The following HSD3B2 variants were observed in gnomAD, a reference collection of about 807,000 sequenced individuals.
HSD3B2 encodes 3 beta-hydroxysteroid dehydrogenase/Delta 5-->4-isomerase type 2.
A neutral mutation model predicts 9.9 loss-of-function variants in HSD3B2; 8 were observed. That is an observed-to-expected ratio of 0.81 (90% CI 0.47 to 1.46). The LOEUF (loss-of-function observed/expected upper bound fraction) is 1.46, where lower values mean the gene tolerates loss of function less well. Among genes scored for constraint, HSD3B2 ranks in the 40% most tolerant of loss-of-function variants. The pLI is 0.00. For synonymous variants in HSD3B2, 221 were observed against 184.5 expected (o/e 1.20, Z -1.60); for missense variants, 410 against 448.3 (o/e 0.91, Z 0.77).
In HSD3B2 at chr1:119,421,517, ACG is replaced by A. The variant is rs1162699709; in HGVS notation, c.308-291_308-290del. ...ATAATATATATATATATATACACAC[ACG>A]TATACATACACACACACACACACAC... On this transcript the variant is annotated intron_variant, in intron 3 of 3. Transcript: ENST00000369416. 1.5e-4 allele frequency among the ~76,000 whole-genome samples: 21 copies of A among 142,750 alleles called. 1 individual carries two copies. Among genetic ancestry groups the A allele is most frequent in the African/African-American group, 5.5e-4 (21 of 38,396 alleles). The allele number at this position is 142,750 out of a possible 152,430, so 93.6% of individuals were successfully genotyped here.
At chr1:119,416,037 A>T (rs771269970) in intron 2 of HSD3B2, among the ~76,000 whole-genome samples, 2 of 152,026 alleles carry the variant, frequency 1.3e-5, no homozygotes, top group Non-Finnish European at 2.9e-5. Context: ...GAAGGTACGG[A>T]TGTGTGTGTA....
At chr1:119,417,537 G>A (rs1414584206) in intron 2 of HSD3B2, 2 of 152,162 alleles carry the variant, frequency 1.3e-5, no homozygotes, top group African/African-American at 2.4e-5. Context: ...TTCCACTCTC[G>A]GGCTGACACC....
At chr1:119,419,155 C>G (rs185397763) in intron 2 of HSD3B2, among the ~76,000 whole-genome samples, 1 of 152,106 alleles carries the variant, frequency 6.6e-6, no homozygotes, top group Non-Finnish European at 1.5e-5. Context: ...TTATATTTCA[C>G]GGATGTGTGA....
chr1:119,421,001 A>G (rs1651841173), intron 3 of HSD3B2, among the ~76,000 whole-genome samples: 1 of 152,176 alleles, frequency 6.6e-6, no homozygotes, highest in Admixed American at 6.5e-5. Flanking sequence ...CACAATCAGG[A>G]AAGGAGTGTG....
At position 119,421,465 on chromosome 1, in the gene HSD3B2, G is replaced by GTA. The variant is rs1491180824; in HGVS notation, c.308-334_308-333dup. Among the ~76,000 whole-genome samples, 14 of 4,926 alleles carry GTA rather than the reference G, an allele frequency of 2.8e-3. 1 individual carries two copies. The highest frequency in any genetic ancestry group is 0.016 in the East Asian group (2 of 122). The allele number at this position is 4,926 out of a possible 152,430, so 3.2% of individuals were successfully genotyped here. ...TGTATATATATATGTATATATATAT[G>GTA]TATATATATATGTATATATATATTT... On this transcript the variant is annotated intron_variant, in intron 3 of 3. Transcript: ENST00000369416.
intron 2 of HSD3B2, among the ~76,000 whole-genome samples, chr1:119,416,642 T>C (rs941552011): frequency 1.3e-5 from 2 of 152,154 alleles, no homozygotes; most frequent in Non-Finnish European, 2.9e-5. Context: ...CCCAGGGGAC[T>C]GGGGGAACTA....
chr1:119,422,508 A>T lies in HSD3B2; in HGVS notation c.1007A>T (p.Asp336Val), dbSNP rs781125519. 2 of 1,614,124 alleles carry T rather than the reference A, an allele frequency of 1.2e-6. No homozygotes were observed. The highest frequency in any genetic ancestry group is 1.7e-6 in the Non-Finnish European group (2 of 1,180,006). ...FTFSYKKAQR[D>V]LAYKPLYSWE... ...TTCTCTTACAAGAAGGCTCAGCGAG[A>T]TCTGGCGTATAAGCCACTCTACAGC... is the stretch of plus-strand genomic sequence containing the variant. The change falls in exon 4 of 4, where the codon GAT becomes GTT. Residue 336 changes from aspartate (D) to valine (V), a missense_variant. By Grantham distance (152) the Asp-to-Val change is radical. Coordinates refer to ENST00000369416, the MANE Select transcript of HSD3B2 (RefSeq NM_000198.4).
intron 3 of HSD3B2, among the ~76,000 whole-genome samples, chr1:119,421,411 ATATAT>A (rs1651856450): frequency 3.0e-5 from 1 of 32,890 alleles, no homozygotes; most frequent in African/African-American, 1.8e-4. Flanking sequence ...ATGTATATAT[ATATAT>A]GTATATATAT....
intron 3 of HSD3B2, among the ~76,000 whole-genome samples, chr1:119,421,182 AT>A (rs1409848021): frequency 1.3e-5 from 2 of 151,832 alleles, no homozygotes; most frequent in Non-Finnish European, 2.9e-5. Flanking sequence ...TGTAACACAA[AT>A]TCTTCCACTG....
rs80358217 is a variant in HSD3B2 at position 119,422,246 on chromosome 1, C to T, written c.745C>T (p.Arg249Ter). The change falls in exon 4 of 4, where the codon CGA becomes TGA. Residue 249 changes from arginine to a stop codon, truncating the protein, a stop_gained. Transcript: ENST00000369416. LOFTEE classifies it low-confidence loss of function (END_TRUNC). ...GGACCCCAAGAAGGCCCCAAGTGTC[C>T]GAGGTCAATTCTATTACATCTCAGA... is the stretch of plus-strand genomic sequence containing the variant. The part of the protein sequence containing the change: ...LRDPKKAPSV[R>*]GQFYYISDDT... 6.4e-5 allele frequency: 104 copies of T among 1,613,908 alleles called. No individual in the cohort carries two copies. Among genetic ancestry groups the T allele is most frequent in the East Asian group, 8.9e-5 (4 of 44,848 alleles).
intron 3 of HSD3B2, chr1:119,419,964 A>T (rs1373843050): frequency 3.1e-6 from 1 of 325,534 alleles, no homozygotes; most frequent in African/African-American, 2.1e-5. Flanking sequence ...GGCCAGAATC[A>T]GACCTTCCAG....
Position 119,422,131 on chromosome 1 carries a change from C to T in HSD3B2, c.630C>T (p.Ile210=), listed in dbSNP as rs770633737. 1 of 1,614,084 alleles carries T rather than the reference C, an allele frequency of 6.2e-7. No homozygotes were observed. The change falls in exon 4 of 4, where the codon ATC becomes ATT. Residue 210 remains isoleucine (I), a synonymous_variant. Coordinates refer to ENST00000369416, the MANE Select transcript of HSD3B2 (RefSeq NM_000198.4). ...SINEALNNNG[I]LSSVGKFSTV... is the part of the protein sequence containing the mutation. Reference sequence around the variant, plus strand: ...ATGAGGCCCTGAACAACAATGGGATCCTGTCAAGTGTTGGAAAGTTCTCTA... The same window carrying T: ...ATGAGGCCCTGAACAACAATGGGATTCTGTCAAGTGTTGGAAAGTTCTCTA...
intron 2 of HSD3B2, 118 bp from the exon 3 acceptor site, chr1:119,419,300 C>A (rs1193302689): frequency 1.1e-6 from 1 of 903,906 alleles, no homozygotes. Context: ...GTAGTACACC[C>A]TCCACTCTAA....
chr1:119,422,981 T>C lies in HSD3B2; in HGVS notation c.*361T>C, dbSNP rs1651939026. ...ATTTCTTTTCTCTTTAATCTCCTATTCCTTCACACAGTTCAACATAAAGAG... is the reference window on the plus strand; with the variant it reads ...ATTTCTTTTCTCTTTAATCTCCTATCCCTTCACACAGTTCAACATAAAGAG... On this transcript the variant is annotated 3_prime_UTR_variant, in exon 4 of 4. Transcript: ENST00000369416. 2.4e-6 allele frequency: 1 copy of C among 412,796 alleles called. No homozygotes were observed. Among genetic ancestry groups the C allele is most frequent in the African/African-American group, 2.0e-5 (1 of 50,454 alleles). 25.6% of individuals were successfully genotyped at this position (412,796 alleles called of 1,614,324 possible).
intron 3 of HSD3B2, chr1:119,419,848 G>A: frequency 2.2e-6 from 1 of 453,696 alleles, no homozygotes. Flanking sequence ...ACTCACTCCT[G>A]TGTGACTCCA....
Position 119,422,100 on chromosome 1 carries a change from G to A in HSD3B2, c.599G>A (p.Ser200Asn), listed in dbSNP as rs377671756. The change falls in exon 4 of 4, where the codon AGT becomes AAT. Residue 200 changes from serine to asparagine, a missense_variant. Ser to Asn is a conservative substitution (Grantham distance 46, BLOSUM62 1). Coordinates refer to ENST00000369416, the MANE Select transcript of HSD3B2 (RefSeq NM_000198.4). ...GAAGGAGGCCCATTCCTTTCTGCCA[G>A]TATAAATGAGGCCCTGAACAACAAT... ...YGEGGPFLSA[S>N]INEALNNNGI... 1.2e-6 allele frequency: 2 copies of A among 1,613,978 alleles called. No individual in the cohort carries two copies. Among genetic ancestry groups the A allele is most frequent in the Non-Finnish European group, 1.7e-6 (2 of 1,180,006 alleles).
At position 119,415,173 on chromosome 1, in the gene HSD3B2, T is replaced by A; in HGVS notation, c.-119T>A. 4.2e-6 allele frequency: 2 copies of A among 476,830 alleles called. No homozygotes were observed. Among genetic ancestry groups the A allele is most frequent in the Non-Finnish European group, 7.7e-6 (2 of 259,556 alleles). The allele number at this position is 476,830 out of a possible 1,614,324, so 29.5% of individuals were successfully genotyped here. ...ATGAGGCAGTAAGGACTTGGACTCC[T>A]CTGTCCAGCTTTTAACAATCTAAGT... is the stretch of plus-strand genomic sequence containing the variant. On this transcript the variant is annotated 5_prime_UTR_variant, in exon 1 of 4. Transcript: ENST00000369416.
chr1:119,419,745 G>T (rs1361473180), intron 3 of HSD3B2, 163 bp downstream of exon 3: 3 of 704,938 alleles, frequency 4.3e-6, no homozygotes, highest in Non-Finnish European at 7.4e-6. Flanking sequence ...GGTAACCTCA[G>T]TTTTTTAGAT....
intron 2 of HSD3B2, chr1:119,417,511 A>G (rs1651743226): frequency 1.3e-5 from 2 of 152,234 alleles, no homozygotes; most frequent in Non-Finnish European, 2.9e-5. Flanking sequence ...AGAGGTGGAA[A>G]TACAACCAGA....
Sources: gnomAD v4.1 joint callset for allele counts (sites outside exome capture counted in the v4.1 genomes callset) on GRCh38, gnomAD v4.1.1 for gene constraint, MANE v1.5 for transcripts, NCBI Gene and HGNC (gene_info 2026-07-23, HGNC 2026-07-21) for gene names.